The following DMC1 variants were observed in gnomAD, a reference collection of about 807,000 sequenced individuals.
The protein encoded by DMC1 is meiotic recombination protein DMC1 homolog.
In DMC1, 27 loss-of-function variants were observed where a neutral mutation model predicts 50.1. That is an observed-to-expected ratio of 0.54 (90% CI 0.40 to 0.74). The LOEUF (loss-of-function observed/expected upper bound fraction) is 0.74, where lower values mean the gene tolerates loss of function less well. Among genes scored for constraint, DMC1 ranks in the 30% least tolerant of loss-of-function variants. The probability of loss-of-function intolerance (pLI) is 0.00; values close to 1 mark genes in which losing one functional copy is unlikely to be tolerated. For missense variants in DMC1, 295 were observed against 420.2 expected, an observed-to-expected ratio of 0.70 and a Z score of 2.60; for synonymous variants, 148 against 136.1, an observed-to-expected ratio of 1.09 and a Z score of -0.61.
At chr22:38,521,861 C>T (rs1602709481) in intron 12 of DMC1, 137 bp from the exon 13 acceptor site, 1 of 729,590 alleles carries the variant, frequency 1.4e-6, no homozygotes, top group Non-Finnish European at 2.5e-6. Context: ...GAGGCTTGTT[C>T]ATAAACTAAG....
rs148135793 is a variant in DMC1, at chr22:38,547,490, G to T, written c.494+2435C>A. Reference sequence around the variant, plus strand: ...CATAGGTCTTCTTTGTTATTAAAAAGAATTTCCTCTGAATACCTCCTCAAA... The same window carrying T: ...CATAGGTCTTCTTTGTTATTAAAAATAATTTCCTCTGAATACCTCCTCAAA... On this transcript the variant is annotated intron_variant, in intron 8 of 13. Coordinates refer to ENST00000216024, the MANE Select transcript of DMC1 (RefSeq NM_007068.4). Among the ~76,000 whole-genome samples, 5 of 152,060 alleles carry T rather than the reference G, an allele frequency of 3.3e-5. No homozygotes were observed. In the East Asian group the frequency reaches 9.7e-4, roughly 29 times the overall value.
chr22:38,537,245 GCT>G (rs1309757010), intron 12 of DMC1, among the ~76,000 whole-genome samples: 1 of 151,468 alleles, frequency 6.6e-6, no homozygotes, highest in Non-Finnish European at 1.5e-5. Flanking sequence ...ATAGAATCTT[GCT>G]CTGTTTCCCA....
At chr22:38,540,653 T>A (rs973533660) in intron 8 of DMC1, among the ~76,000 whole-genome samples, 1 of 152,190 alleles carries the variant, frequency 6.6e-6, no homozygotes, top group Non-Finnish European at 1.5e-5. Flanking sequence ...TAATTTAAAT[T>A]CCCAGCCATT....
intron 5 of DMC1, among the ~76,000 whole-genome samples, chr22:38,559,546 A>G (rs1435326401): frequency 6.6e-6 from 1 of 152,210 alleles, no homozygotes; most frequent in East Asian, 1.9e-4. Flanking sequence ...TATATAGTAT[A>G]TGGTACTTCT....
rs147015690 is a variant in DMC1, at chr22:38,566,121, A to C, written c.243+469T>G. On this transcript the variant is annotated intron_variant, in intron 4 of 13. Coordinates refer to ENST00000216024, the MANE Select transcript of DMC1 (RefSeq NM_007068.4). Reference sequence around the variant, plus strand: ...GAAACCTCGTCTCTACTAAAAATACAAAATTAGCTGGGCGTGGTGCTGTGT... The same window carrying C: ...GAAACCTCGTCTCTACTAAAAATACCAAATTAGCTGGGCGTGGTGCTGTGT... Among the ~76,000 whole-genome samples the C allele has an allele frequency of 3.1e-3, 467 of 152,222 alleles. 5 individuals carry two copies. The highest frequency in any genetic ancestry group is 0.011 in the African/African-American group (444 of 41,536).
intron 12 of DMC1, among the ~76,000 whole-genome samples, chr22:38,534,892 G>A (rs1453463872): frequency 3.3e-5 from 5 of 151,634 alleles, no homozygotes. Flanking sequence ...TGTAATCCTA[G>A]CTACTCGGGA....
chr22:38,519,674 GA>G lies in DMC1; in HGVS notation c.*345del. 3.5e-6 allele frequency: 1 copy of G among 282,970 alleles called. No individual in the cohort carries two copies. 17.5% of individuals were successfully genotyped at this position (282,970 alleles called of 1,614,324 possible). The stretch of plus-strand genomic sequence containing the variant: ...CTCACTTTGAAAAGTGAAAGGGAGG[GA>G]ATCACGTACTCCTTTCCCAACAACT... On this transcript the variant is annotated 3_prime_UTR_variant, in exon 14 of 14. Transcript: ENST00000216024.
intron 1 of DMC1, chr22:38,568,548 C>T (rs976129471): frequency 1.2e-5 from 6 of 492,434 alleles, no homozygotes; most frequent in Admixed American, 1.0e-4. Context: ...AGTTTCTTCT[C>T]TTTCCCCAAC....
chr22:38,526,910 G>A (rs2090098119), intron 12 of DMC1, among the ~76,000 whole-genome samples: 1 of 152,160 alleles, frequency 6.6e-6, no homozygotes, highest in Non-Finnish European at 1.5e-5. Context: ...AGTCTCATGA[G>A]CTTGATTAAT....
At position 38,530,186 on chromosome 22, in the gene DMC1, C is replaced by T. The variant is rs948544662; in HGVS notation, c.836+7406G>A. Among the ~76,000 whole-genome samples the T allele has an allele frequency of 4.6e-5, 7 of 151,958 alleles. No individual in the cohort carries two copies. The South Asian group carries it at 1.2e-3, about 27-fold the overall frequency. On this transcript the variant is annotated intron_variant, in intron 12 of 13. Coordinates refer to ENST00000216024, the MANE Select transcript of DMC1 (RefSeq NM_007068.4). Reference sequence around the variant, plus strand: ...TTTGCCATGTTGGCCAGGCTGGTCTCGAACTCCTGACCTCAGGTGATCCAC... The same window carrying T: ...TTTGCCATGTTGGCCAGGCTGGTCTTGAACTCCTGACCTCAGGTGATCCAC...
chr22:38,527,542 G>A (rs1052946681), intron 12 of DMC1, among the ~76,000 whole-genome samples: 7 of 125,808 alleles, frequency 5.6e-5, no homozygotes, highest in Admixed American at 9.5e-5. Flanking sequence ...TTTTTGAGAC[G>A]GAGTCTTGCT....
intron 6 of DMC1, 24 bp downstream of exon 6, chr22:38,555,333 A>G: frequency 6.5e-7 from 1 of 1,538,008 alleles, no homozygotes; most frequent in Non-Finnish European, 9.0e-7. Flanking sequence ...ATTTCATTTA[A>G]CAAAATATTA....
intron 4 of DMC1, among the ~76,000 whole-genome samples, chr22:38,563,012 A>G (rs545392129): frequency 1.3e-5 from 2 of 152,108 alleles, no homozygotes; most frequent in African/African-American, 4.8e-5. Context: ...CAGGTGATCC[A>G]CCTGCCTTGG....
chr22:38,509,840 T>G, the DMC1 span, among the ~76,000 whole-genome samples: 8 of 152,088 alleles, frequency 5.3e-5, no homozygotes, highest in Non-Finnish European at 7.4e-5. Flanking sequence ...AATTTTTATA[T>G]TTTTTAGTAG....
At chr22:38,534,900 G>T (rs1405388903) in intron 12 of DMC1, among the ~76,000 whole-genome samples, 1 of 151,894 alleles carries the variant, frequency 6.6e-6, no homozygotes, top group Admixed American at 6.6e-5. Flanking sequence ...TAGCTACTCG[G>T]GAGGCTGAGG....
At chr22:38,545,214 G>GC (rs2090330588) in intron 8 of DMC1, among the ~76,000 whole-genome samples, 1 of 151,780 alleles carries the variant, frequency 6.6e-6, no homozygotes, top group Non-Finnish European at 1.5e-5. Context: ...TTGGAGACCA[G>GC]CCTGGGCAAC....
chr22:38,515,117 C>G (rs1277958105), downstream of DMC1, among the ~76,000 whole-genome samples: 1 of 151,032 alleles, frequency 6.6e-6, no homozygotes, highest in African/African-American at 2.4e-5. Flanking sequence ...CTGCCCACCT[C>G]AGCCTCCCAA....
At chr22:38,546,612 C>T (rs1235780786) in intron 8 of DMC1, among the ~76,000 whole-genome samples, 1 of 152,164 alleles carries the variant, frequency 6.6e-6, no homozygotes, top group Admixed American at 6.6e-5. Flanking sequence ...AAAGGGACTT[C>T]TGCAAACAGT....
the DMC1 span, among the ~76,000 whole-genome samples, chr22:38,510,391 G>T: frequency 2.5e-3 from 384 of 152,282 alleles, 1 homozygote; most frequent in African/African-American, 9.0e-3. Flanking sequence ...GGAGGCGGAG[G>T]TTGCAGTGAC....
Sources: allele counts gnomAD v4.1 joint callset (sites outside exome capture counted in the v4.1 genomes callset), GRCh38; gene constraint gnomAD v4.1.1; transcripts MANE v1.5; gene names NCBI Gene and HGNC (gene_info 2026-07-23, HGNC 2026-07-21).